The following GALNTL6 variants were observed in gnomAD, a reference collection of about 807,000 sequenced individuals.
GALNTL6 encodes polypeptide N-acetylgalactosaminyltransferase like 6, also known as polypeptide N-acetylgalactosaminyltransferase-like 6.
A neutral mutation model predicts 73.7 loss-of-function variants in GALNTL6; 46 were observed. The observed-to-expected ratio is 0.62, with a 90% confidence interval of 0.49 to 0.80. The LOEUF (loss-of-function observed/expected upper bound fraction) is 0.80, where lower values mean the gene tolerates loss of function less well. Ranked by LOEUF, GALNTL6 falls within the 30% of genes least tolerant of loss-of-function variation. The pLI, the probability that GALNTL6 is intolerant of heterozygous loss-of-function variation, is 0.00. For synonymous variants in GALNTL6, 259 were observed against 263.7 expected (o/e 0.98, Z 0.17); for missense variants, 604 against 755.0 (o/e 0.80, Z 2.34).
chr4:172,509,608 T>C (rs28843420), intron 5 of GALNTL6, among the ~76,000 whole-genome samples: 9,228 of 55,248 alleles, frequency 0.17, 3,977 homozygotes, highest in African/African-American at 0.38. Context: ...CCATCTTGAA[T>C]TGATTTGTGT....
intron 2 of GALNTL6, among the ~76,000 whole-genome samples, chr4:171,901,731 T>C (rs2110943928): frequency 6.6e-6 from 1 of 152,340 alleles, no homozygotes; most frequent in Non-Finnish European, 1.5e-5. Context: ...AACTGGATTT[T>C]TAAAAGTGTT....
chr4:172,188,275 TC>T (rs1206648957), intron 2 of GALNTL6, among the ~76,000 whole-genome samples: 1 of 152,184 alleles, frequency 6.6e-6, no homozygotes, highest in Non-Finnish European at 1.5e-5. Context: ...GTTCTCAAGT[TC>T]CCTAATGTTG....
chr4:172,798,797 T>A (rs1301264588), intron 5 of GALNTL6, among the ~76,000 whole-genome samples: 1 of 152,164 alleles, frequency 6.6e-6, no homozygotes, highest in Non-Finnish European at 1.5e-5. Flanking sequence ...TAGTTGGAGA[T>A]TTGTGAAATT....
chr4:172,290,621 G>A (rs1739431294), intron 3 of GALNTL6, among the ~76,000 whole-genome samples: 1 of 151,872 alleles, frequency 6.6e-6, no homozygotes, highest in Non-Finnish European at 1.5e-5. Flanking sequence ...CTATTTTAAA[G>A]TACTAGAGCT....
chr4:172,867,585 A>G (rs1744723807), intron 7 of GALNTL6, among the ~76,000 whole-genome samples: 1 of 152,204 alleles, frequency 6.6e-6, no homozygotes, highest in South Asian at 2.1e-4. Context: ...TCACCTGTAC[A>G]ATGTGGTGAG....
At chr4:171,827,351 C>T (rs960385903) in intron 2 of GALNTL6, among the ~76,000 whole-genome samples, 1 of 152,004 alleles carries the variant, frequency 6.6e-6, no homozygotes, top group Non-Finnish European at 1.5e-5. Context: ...AAGTTGCAAC[C>T]GCATGCTCTG....
intron 2 of GALNTL6, among the ~76,000 whole-genome samples, chr4:171,854,785 A>G (rs1735638516): frequency 6.6e-6 from 1 of 152,192 alleles, no homozygotes; most frequent in Non-Finnish European, 1.5e-5. Flanking sequence ...AATCTCTTTT[A>G]TAAGGGATTT....
chr4:172,914,773 G>A (rs2111273414), intron 8 of GALNTL6, among the ~76,000 whole-genome samples: 1 of 152,256 alleles, frequency 6.6e-6, no homozygotes, highest in African/African-American at 2.4e-5. Context: ...CCTACAAAGA[G>A]ATATAGACCC....
At chr4:172,322,230 G>C (rs1441250699) in intron 4 of GALNTL6, among the ~76,000 whole-genome samples, 2 of 152,130 alleles carry the variant, frequency 1.3e-5, no homozygotes, top group African/African-American at 4.8e-5. Context: ...CGTCTTCTAT[G>C]CGTAGTTCAC....
At chr4:172,791,883 G>A (rs1740012492) in intron 5 of GALNTL6, among the ~76,000 whole-genome samples, 1 of 152,312 alleles carries the variant, frequency 6.6e-6, no homozygotes, top group African/African-American at 2.4e-5. Flanking sequence ...AAAGTAAAAA[G>A]TCATGTTGGA....
intron 2 of GALNTL6, among the ~76,000 whole-genome samples, chr4:172,022,053 A>G (rs1480810666): frequency 6.6e-6 from 1 of 152,016 alleles, no homozygotes; most frequent in African/African-American, 2.4e-5. Context: ...ATACCCCACA[A>G]GCACAGGCAA....
chr4:172,014,466 T>C (rs1741122783), intron 2 of GALNTL6, among the ~76,000 whole-genome samples: 1 of 152,118 alleles, frequency 6.6e-6, no homozygotes, highest in Non-Finnish European at 1.5e-5. Flanking sequence ...ATTTCTTTGA[T>C]TATCAATGAT....
rs539742928 is a variant in GALNTL6, at chr4:172,356,271, C to T, written c.553+7582C>T. 2.0e-5 allele frequency among the ~76,000 whole-genome samples: 3 copies of T among 152,230 alleles called. No homozygotes were observed. In the East Asian group the frequency reaches 5.8e-4, roughly 29 times the overall value. The stretch of plus-strand genomic sequence containing the variant: ...GTGAAACCATTTTATGCATGTTGGG[C>T]TTCAGATCTTGGGCAGGCATAACTT... On this transcript the variant is annotated intron_variant, in intron 5 of 12. Coordinates refer to ENST00000506823, the MANE Select transcript of GALNTL6 (RefSeq NM_001034845.3).
chr4:171,887,729 T>G (rs1226712160), intron 2 of GALNTL6, among the ~76,000 whole-genome samples: 1 of 152,202 alleles, frequency 6.6e-6, no homozygotes, highest in East Asian at 1.9e-4. Flanking sequence ...TGATGTTGCT[T>G]TATCTTGAAA....
chr4:172,166,601 C>G (rs1734632963), intron 2 of GALNTL6, among the ~76,000 whole-genome samples: 1 of 152,126 alleles, frequency 6.6e-6, no homozygotes, highest in Non-Finnish European at 1.5e-5. Flanking sequence ...TTCGTATTAT[C>G]AATATACATC....
At chr4:172,518,549 T>C (rs985260146) in intron 5 of GALNTL6, among the ~76,000 whole-genome samples, 1 of 151,990 alleles carries the variant, frequency 6.6e-6, no homozygotes, top group African/African-American at 2.4e-5. Flanking sequence ...CATTCTCTTA[T>C]TTTAAATTAA....
intron 2 of GALNTL6, among the ~76,000 whole-genome samples, chr4:171,817,700 A>T (rs113078215): frequency 0.01 from 1,546 of 151,804 alleles, 14 homozygotes; most frequent in Admixed American, 0.025. Context: ...CAGAAAATGA[A>T]ACAAGGACGT....
intron 2 of GALNTL6, among the ~76,000 whole-genome samples, chr4:171,839,362 T>C (rs939436168): frequency 2.0e-5 from 3 of 152,194 alleles, no homozygotes; most frequent in East Asian, 1.9e-4. Context: ...GGAATTTATC[T>C]GGAAGGCAAA....
chr4:172,893,898 T>C (rs1746183340), intron 8 of GALNTL6, among the ~76,000 whole-genome samples: 1 of 152,222 alleles, frequency 6.6e-6, no homozygotes, highest in African/African-American at 2.4e-5. Flanking sequence ...GGATCCCAGA[T>C]GTCCACAGTG....
Sources: gnomAD v4.1 joint callset for allele counts (sites outside exome capture counted in the v4.1 genomes callset) on GRCh38, gnomAD v4.1.1 for gene constraint, MANE v1.5 for transcripts, NCBI Gene and HGNC (gene_info 2026-07-23, HGNC 2026-07-21) for gene names.